Variants in ZNF711 observed in about 807,000 individuals in gnomAD.
The protein encoded by ZNF711 is ZFX family zinc finger ZNF711.
In ZNF711, 3 loss-of-function variants were observed where a neutral mutation model predicts 43.5. The observed-to-expected ratio is 0.07, with a 90% CI of 0.03 to 0.18. The LOEUF is 0.18. Ranked by LOEUF, ZNF711 falls within the 10% of genes least tolerant of loss-of-function variation. The pLI is 1.00. For missense variants in ZNF711, 412 were observed against 604.0 expected, an observed-to-expected ratio of 0.68 and a Z score of 3.33; for synonymous variants, 209 against 207.7, an observed-to-expected ratio of 1.01 and a Z score of -0.06.
chrX:85,256,919 T>C (rs1420682335), intron 5 of ZNF711, among the ~76,000 whole-genome samples: 2 of 111,377 alleles, frequency 1.8e-5, no homozygotes, highest in Non-Finnish European at 3.8e-5. Context: ...TTAAAAGATC[T>C]ATAGTATGGT....
intron 8 of ZNF711, among the ~76,000 whole-genome samples, chrX:85,267,962 C>T (rs776220909): frequency 1.2e-3 from 131 of 111,482 alleles, no homozygotes; most frequent in African/African-American, 4.1e-3. Flanking sequence ...ATTAATTTAT[C>T]TAAACTTGGT....
chrX:85,269,347 CT>C lies in ZNF711; in HGVS notation c.1103-648del, dbSNP rs1229713326. On this transcript the variant is annotated intron_variant, in intron 9 of 10. Coordinates refer to ENST00000674551, the MANE Select transcript of ZNF711 (RefSeq NM_001330574.2). ...GTTTCAAATTCAGTTTCTTTTCTTT[CT>C]TTTTTTTCTTTTTCTTTCTTTCTTT... Among the ~76,000 whole-genome samples, 3 of 105,887 alleles carry C rather than the reference CT, an allele frequency of 2.8e-5. No homozygotes were observed. In the East Asian group the frequency reaches 8.9e-4, roughly 32 times the overall value. The allele number at this position is 105,887 out of a possible 115,157, so 92.0% of individuals were successfully genotyped here. A position where few individuals can be genotyped will look rare whatever the true frequency, so the allele number is the denominator to read the frequency against.
intron 4 of ZNF711, among the ~76,000 whole-genome samples, chrX:85,250,077 C>A (rs1415913426): frequency 8.9e-6 from 1 of 112,325 alleles, no homozygotes; most frequent in Non-Finnish European, 1.9e-5. Flanking sequence ...GAGTACACCA[C>A]ATTTGGTTTA....
At chrX:85,267,897 G>A (rs1050185272) in intron 8 of ZNF711, among the ~76,000 whole-genome samples, 4 of 110,577 alleles carry the variant, frequency 3.6e-5, no homozygotes, top group African/African-American at 1.3e-4. Flanking sequence ...CCTATGTAAC[G>A]TACAAGATGG....
At chrX:85,265,055 T>G (rs1204953456) in intron 6 of ZNF711, 63 bp from the exon 7 acceptor site, 3 of 1,000,607 alleles carry the variant, frequency 3.0e-6, no homozygotes, top group Admixed American at 2.3e-5. Context: ...TATATTCTTC[T>G]TATTAATTTA....
chrX:85,251,568 G>C (rs1353767814), intron 4 of ZNF711, among the ~76,000 whole-genome samples: 1 of 111,157 alleles, frequency 9.0e-6, no homozygotes, highest in East Asian at 2.8e-4. Flanking sequence ...CTGGAAATCA[G>C]GACATGTTTC....
intron 5 of ZNF711, among the ~76,000 whole-genome samples, chrX:85,263,788 CTATT>C (rs1322990601): frequency 1.8e-5 from 2 of 110,836 alleles, no homozygotes; most frequent in African/African-American, 6.5e-5. Flanking sequence ...TATTTTGTAT[CTATT>C]AATTGAAATC....
intron 5 of ZNF711, among the ~76,000 whole-genome samples, chrX:85,259,335 T>C (rs1453991428): frequency 1.8e-5 from 2 of 111,579 alleles, no homozygotes; most frequent in Non-Finnish European, 3.8e-5. Flanking sequence ...GTTGGATAAT[T>C]GATGTCTCTG....
chrX:85,265,006 T>G, intron 6 of ZNF711, 112 bp from the exon 7 acceptor site: 1 of 723,453 alleles, frequency 1.4e-6, no homozygotes, highest in Non-Finnish European at 2.0e-6. Context: ...ACTTTGAAAT[T>G]TATTTTGGAA....
intron 9 of ZNF711, 100 bp from the exon 10 acceptor site, chrX:85,269,903 A>G: frequency 1.2e-6 from 1 of 825,530 alleles, no homozygotes. Flanking sequence ...TTACTACCAG[A>G]GTGGTAACTT....
Position 85,272,055 on chromosome X carries a change from T to C in ZNF711, c.*227T>C, listed in dbSNP as rs886390385. 4.9e-6 allele frequency: 2 copies of C among 408,918 alleles called. No homozygotes were observed. Among genetic ancestry groups the C allele is most frequent in the African/African-American group, 5.0e-5 (2 of 40,088 alleles). 33.7% of individuals were successfully genotyped at this position (408,918 alleles called of 1,213,427 possible). ...TATAGAATGGTTACAGAAAAACTTCTTAAGTATCTGTGTAATAGTATTATA... is the reference window on the plus strand; with the variant it reads ...TATAGAATGGTTACAGAAAAACTTCCTAAGTATCTGTGTAATAGTATTATA... On this transcript the variant is annotated 3_prime_UTR_variant, in exon 11 of 11. Transcript: ENST00000674551.
chrX:85,247,472 A>G lies in ZNF711; in HGVS notation c.-26-75A>G. The G allele has an allele frequency of 7.1e-6, 5 of 699,790 alleles. No homozygotes were observed. In the South Asian group the frequency reaches 1.3e-4, roughly 19 times the overall value. The allele number at this position is 699,790 out of a possible 1,213,427, so 57.7% of individuals were successfully genotyped here. A position where few individuals can be genotyped will look rare whatever the true frequency, so the allele number is the denominator to read the frequency against. The stretch of plus-strand genomic sequence containing the variant: ...CACTTGGTTGAAAGGCATATTGTCA[A>G]TTGCATTTTTTTCTCAAAACAACTA... On this transcript the variant is annotated intron_variant, in intron 3 of 10. Coordinates refer to ENST00000674551, the MANE Select transcript of ZNF711 (RefSeq NM_001330574.2).
chrX:85,249,038 T>A (rs1174294418), intron 4 of ZNF711, among the ~76,000 whole-genome samples: 1 of 112,182 alleles, frequency 8.9e-6, no homozygotes, highest in Non-Finnish European at 1.9e-5. Flanking sequence ...TTCTTTCTGA[T>A]GAATAAAGTT....
chrX:85,246,344 A>G (rs1285331778), intron 2 of ZNF711, among the ~76,000 whole-genome samples: 1 of 112,360 alleles, frequency 8.9e-6, no homozygotes, highest in Non-Finnish European at 1.9e-5. Context: ...TTGCTCATAC[A>G]TAAAGTAATT....
chrX:85,258,350 A>G (rs1930355330), intron 5 of ZNF711, among the ~76,000 whole-genome samples: 1 of 110,853 alleles, frequency 9.0e-6, no homozygotes. Flanking sequence ...TAAGAATGAT[A>G]CATTAGACTT....
intron 8 of ZNF711, among the ~76,000 whole-genome samples, chrX:85,267,821 G>C (rs1301121352): frequency 9.0e-6 from 1 of 111,520 alleles, no homozygotes; most frequent in African/African-American, 3.3e-5. Flanking sequence ...TGCTCTTTTA[G>C]AAAGCATATA....
chrX:85,272,815 T>G lies in ZNF711; in HGVS notation c.*987T>G, dbSNP rs549651534. The stretch of plus-strand genomic sequence containing the variant: ...CCATATGATTAACATGCATTTTCAA[T>G]ATGAGGCAGTGTTTATGCAGTATTT... On this transcript the variant is annotated 3_prime_UTR_variant, in exon 11 of 11. Coordinates refer to ENST00000674551, the MANE Select transcript of ZNF711 (RefSeq NM_001330574.2). The G allele has an allele frequency of 8.9e-6, 1 of 112,275 alleles. No homozygotes were observed. Among genetic ancestry groups the G allele is most frequent in the East Asian group, 2.8e-4 (1 of 3,529 alleles). The allele number at this position is 112,275 out of a possible 1,213,427, so 9.3% of individuals were successfully genotyped here.
intron 3 of ZNF711, 54 bp downstream of exon 3, chrX:85,247,242 A>G (rs1929112504): frequency 6.5e-6 from 2 of 309,958 alleles, no homozygotes; most frequent in Non-Finnish European, 5.6e-6. Flanking sequence ...TTTATAACCT[A>G]TGTTTTAACT....
At chrX:85,254,412 G>A (rs1385326257) in intron 4 of ZNF711, among the ~76,000 whole-genome samples, 1 of 83,554 alleles carries the variant, frequency 1.2e-5, no homozygotes, top group Non-Finnish European at 2.2e-5. Context: ...AGACCATCCT[G>A]GCTAACAAGG....
Sources: allele counts gnomAD v4.1 joint callset (sites outside exome capture counted in the v4.1 genomes callset), GRCh38; gene constraint gnomAD v4.1.1; transcripts MANE v1.5; gene names NCBI Gene and HGNC (gene_info 2026-07-23, HGNC 2026-07-21).